Variants in TTC21A observed in about 807,000 individuals in gnomAD.
TTC21A encodes tetratricopeptide repeat domain 21A.
Under a neutral mutation model 156.4 loss-of-function variants are expected in TTC21A, and 128 were observed. That is an observed-to-expected ratio of 0.82 (90% CI 0.71 to 0.95). The LOEUF (loss-of-function observed/expected upper bound fraction) is 0.95. Ranked by LOEUF, TTC21A falls within the 40% of genes least tolerant of loss-of-function variation. The pLI is 0.00. For synonymous variants in TTC21A, 587 were observed against 617.1 expected (o/e 0.95, Z 0.72); for missense variants, 1,435 against 1,602.3 (o/e 0.90, Z 1.78).
At chr3:39,109,772 T>G (rs2036645584) in intron 2 of TTC21A, among the ~76,000 whole-genome samples, 1 of 152,196 alleles carries the variant, frequency 6.6e-6, no homozygotes, top group Non-Finnish European at 1.5e-5. Flanking sequence ...AGCTAATAAT[T>G]GCAGCCTCAC....
At chr3:39,133,321 C>G in intron 20 of TTC21A, 81 bp downstream of exon 20, 6 of 1,365,372 alleles carry the variant, frequency 4.4e-6, no homozygotes, top group Non-Finnish European at 4.0e-6. Context: ...GGTACAGGGG[C>G]CAGTCCCTTC....
Position 39,121,011 on chromosome 3 carries a change from G to A in TTC21A, c.915G>A (p.Gln305=), listed in dbSNP as rs776053682. The change falls in exon 9 of 29, where the codon CAG becomes CAA. Residue 305 remains glutamine, a synonymous_variant. Coordinates refer to ENST00000683103, the MANE Select transcript of TTC21A (RefSeq NM_001366900.1). ...IVVSRLCGSH[Q]VILGLVCSFI... ...GTTTCTTGCAGTGTGGGAGTCACCA[G>A]GTGATTCTAGGGCTAGTGTGTAGTT... 1.2e-6 allele frequency: 2 copies of A among 1,608,326 alleles called. No individual in the cohort carries two copies. The highest frequency in any genetic ancestry group is 1.7e-6 in the Non-Finnish European group (2 of 1,176,490).
rs2038619978 is a variant in TTC21A at position 39,130,247 on chromosome 3, G to A, written c.2209-1G>A. The A allele has an allele frequency of 1.2e-6, 2 of 1,613,172 alleles. No homozygotes were observed. The highest frequency in any genetic ancestry group is 1.7e-6 in the Non-Finnish European group (2 of 1,179,524). ...AGACCCAAAGACACTTTCCCCACCA[G>A]CCCGAGAAGGCCCTGGAGGTCTATG... On this transcript the variant is annotated splice_acceptor_variant, in intron 16 of 28. Coordinates refer to ENST00000683103, the MANE Select transcript of TTC21A (RefSeq NM_001366900.1). LOFTEE classifies it high-confidence loss of function. This position sits in a 1 kb window ranked among gnomAD's most constrained non-coding sequence, Gnocchi z 4.5.
Position 39,133,142 on chromosome 3 carries a change from T to C in TTC21A, c.2653T>C (p.Cys885Arg). The C allele has an allele frequency of 2.5e-6, 4 of 1,613,958 alleles. No homozygotes were observed. ...CCAGAAGCAACTGGCAGCCTCTATCTGCATCCAATTTGCAGAGCACTACCT... is the reference window on the plus strand; with the variant it reads ...CCAGAAGCAACTGGCAGCCTCTATCCGCATCCAATTTGCAGAGCACTACCT... ...PSQKQLAASI[C>R]IQFAEHYLAE... The change falls in exon 20 of 29, where the codon TGC becomes CGC. Residue 885 changes from cysteine (C) to arginine (R), a missense_variant. Coordinates refer to ENST00000683103, the MANE Select transcript of TTC21A (RefSeq NM_001366900.1).
At chr3:39,120,951 G>T (rs1371883155) in intron 8 of TTC21A, 46 bp from the exon 9 acceptor site, 2 of 1,542,810 alleles carry the variant, frequency 1.3e-6, no homozygotes, top group Non-Finnish European at 1.8e-6. Context: ...GCTCATACAG[G>T]CTGGACTGAC....
intron 3 of TTC21A, chr3:39,110,380 G>A: frequency 3.4e-6 from 2 of 587,594 alleles, no homozygotes; most frequent in Non-Finnish European, 6.1e-6. Context: ...AGGGGCCCAT[G>A]CTCCAGATCC....
At position 39,135,549 on chromosome 3, in the gene TTC21A, G is replaced by A. The variant is rs904835589; in HGVS notation, c.2944+375G>A. Among the ~76,000 whole-genome samples the A allele has an allele frequency of 2.0e-4, 31 of 152,314 alleles. 1 individual carries two copies. The highest frequency in any genetic ancestry group is 7.2e-4 in the African/African-American group (30 of 41,572). On this transcript the variant is annotated intron_variant, in intron 22 of 28. Transcript: ENST00000683103. ...GCGTAAAACCACCCCTTATTGCTGG[G>A]GAAAGGGGCCAGACCTGAGGCTCAG...
At position 39,134,746 on chromosome 3, in the gene TTC21A, T is replaced by A. The variant is rs1442185907; in HGVS notation, c.2863-347T>A. 1 of 483,808 alleles carries A rather than the reference T, an allele frequency of 2.1e-6. No individual in the cohort carries two copies. Among genetic ancestry groups the A allele is most frequent in the Non-Finnish European group, 3.8e-6 (1 of 264,140 alleles). The allele number at this position is 483,808 out of a possible 1,614,324, so 30.0% of individuals were successfully genotyped here. ...CTTGCAGAGCAAGGAGGGGTCCTCA[T>A]CCCTACCTCTATTGCCTGGCAGTTC... On this transcript the variant is annotated intron_variant, in intron 21 of 28. Transcript: ENST00000683103. The surrounding 1 kb of genome is among the most constrained non-coding windows in gnomAD (Gnocchi z 4.6).
chr3:39,135,681 T>C (rs923108039), intron 22 of TTC21A, among the ~76,000 whole-genome samples: 3 of 152,210 alleles, frequency 2.0e-5, no homozygotes, highest in African/African-American at 4.8e-5. Flanking sequence ...AGTCCTGGTC[T>C]ACCACTTACT....
rs933688574 is a variant in TTC21A at position 39,131,140 on chromosome 3, T to TG, written c.2562+50dup. 2.0e-6 allele frequency: 3 copies of TG among 1,525,864 alleles called. No homozygotes were observed. In the African/African-American group the frequency reaches 4.1e-5, roughly 21 times the overall value. The allele number at this position is 1,525,864 out of a possible 1,614,324, so 94.5% of individuals were successfully genotyped here. ...AAGCTCTTTATCTGCCATCTGCTGA[T>TG]GGGGGCTGAAGGAGGAGGAAGGAGA... On this transcript the variant is annotated intron_variant, in intron 19 of 28. Coordinates refer to ENST00000683103, the MANE Select transcript of TTC21A (RefSeq NM_001366900.1).
intron 22 of TTC21A, among the ~76,000 whole-genome samples, chr3:39,135,616 C>G (rs2039053735): frequency 6.6e-6 from 1 of 152,206 alleles, no homozygotes; most frequent in African/African-American, 2.4e-5. Context: ...CCCATAGGCC[C>G]AGGAGGTCAC....
chr3:39,136,536 A>C (rs780056603), intron 23 of TTC21A, 29 bp downstream of exon 23: 7 of 1,607,462 alleles, frequency 4.4e-6, no homozygotes, highest in Non-Finnish European at 5.1e-6. Flanking sequence ...GTTGAGGGGC[A>C]GCTGTGTGCA....
chr3:39,136,380 T>C lies in TTC21A; in HGVS notation c.2968T>C (p.Leu990=). The change falls in exon 23 of 29, where the codon TTA becomes CTA. Residue 990 remains leucine, a synonymous_variant. Transcript: ENST00000683103. ...AGACAATTTTTTGGTATTGCATAAA[T>C]TAATCGATCTGCTAAGAAGAAGTGG... ...APDNFLVLHK[L]IDLLRRSGKL... The C allele has an allele frequency of 6.2e-7, 1 of 1,613,018 alleles. No homozygotes were observed. The highest frequency in any genetic ancestry group is 8.5e-7 in the Non-Finnish European group (1 of 1,179,640).
chr3:39,137,408 C>T (rs784495), intron 25 of TTC21A, 21 bp downstream of exon 25: 1,015,943 of 1,608,360 alleles, frequency 0.63, 331,334 homozygotes, highest in Non-Finnish European at 0.66. Context: ...TGGGGACTGG[C>T]GGGCATGGGC....
In TTC21A at chr3:39,138,835, G is replaced by A. The variant is rs1427742511; in HGVS notation, c.*47G>A. On this transcript the variant is annotated 3_prime_UTR_variant, in exon 29 of 29. Transcript: ENST00000683103. ...CAGTAGAAGCCATCAACCTACTGAA[G>A]TTGTGTGGAGGGATGGAAAGTGGGT... The A allele has an allele frequency of 1.5e-5, 23 of 1,528,846 alleles. No individual in the cohort carries two copies. The highest frequency in any genetic ancestry group is 2.1e-5 in the Non-Finnish European group (23 of 1,108,108). 94.7% of individuals were successfully genotyped at this position (1,528,846 alleles called of 1,614,324 possible).
At position 39,114,575 on chromosome 3, in the gene TTC21A, C is replaced by G; in HGVS notation, c.559-10C>G. ...CCTTCACGGAGGCTCTTCTGTCTGG[C>G]TCCCAACAGGCAATGTACTTCATGA... On this transcript the variant is annotated splice_polypyrimidine_tract_variant and intron_variant, in intron 5 of 28. Coordinates refer to ENST00000683103, the MANE Select transcript of TTC21A (RefSeq NM_001366900.1). The G allele has an allele frequency of 6.2e-7, 1 of 1,613,978 alleles. No homozygotes were observed. The highest frequency in any genetic ancestry group is 8.5e-7 in the Non-Finnish European group (1 of 1,179,880).
intron 3 of TTC21A, 149 bp from the exon 4 acceptor site, chr3:39,110,702 C>A: frequency 1.3e-6 from 1 of 784,576 alleles, no homozygotes; most frequent in Non-Finnish European, 2.0e-6. Context: ...AGGCCTTGGG[C>A]TGCATGCGGT....
chr3:39,134,462 A>G lies in TTC21A; in HGVS notation c.2862+134A>G. 1 of 750,176 alleles carries G rather than the reference A, an allele frequency of 1.3e-6. No homozygotes were observed. Among genetic ancestry groups the G allele is most frequent in the South Asian group, 1.4e-5 (1 of 71,138 alleles). 46.5% of individuals were successfully genotyped at this position (750,176 alleles called of 1,614,324 possible). A position where few individuals can be genotyped will look rare whatever the true frequency, so the allele number is the denominator to read the frequency against. ...ACACACCTCTGAGGAGCTGTCGGGCAGAGAGGACTCAGTGCTGCACCTACT... is the reference window on the plus strand; with the variant it reads ...ACACACCTCTGAGGAGCTGTCGGGCGGAGAGGACTCAGTGCTGCACCTACT... On this transcript the variant is annotated intron_variant, in intron 21 of 28. Coordinates refer to ENST00000683103, the MANE Select transcript of TTC21A (RefSeq NM_001366900.1). This position sits in a 1 kb window ranked among gnomAD's most constrained non-coding sequence, Gnocchi z 4.6.
intron 1 of TTC21A, among the ~76,000 whole-genome samples, chr3:39,108,596 A>G (rs542258952): frequency 6.6e-6 from 1 of 152,300 alleles, no homozygotes; most frequent in Admixed American, 6.5e-5. Context: ...CCTAGCACCC[A>G]CAAACCTTAG....
Sources: gnomAD v4.1 joint callset for allele counts (sites outside exome capture counted in the v4.1 genomes callset) on GRCh38, gnomAD v4.1.1 for gene constraint, Gnocchi (gnomAD v3.1) non-coding constraint, MANE v1.5 for transcripts, NCBI Gene and HGNC (gene_info 2026-07-23, HGNC 2026-07-21) for gene names.